The following ADAMTSL1 variants were observed in gnomAD, a reference collection of about 807,000 sequenced individuals.
ADAMTSL1 encodes the protein ADAMTS-like protein 1.
Under a neutral mutation model 201.8 loss-of-function variants are expected in ADAMTSL1, and 126 were observed. That is an observed-to-expected ratio of 0.62 (90% CI 0.54 to 0.72). ADAMTSL1 has a LOEUF of 0.72. Ranked by LOEUF, ADAMTSL1 falls within the 30% of genes least tolerant of loss-of-function variation. The pLI is 0.00. For synonymous variants in ADAMTSL1, 1,121 were observed against 903.4 expected (o/e 1.24, Z -4.32); for missense variants, 2,679 against 2,277.8 (o/e 1.18, Z -3.59).
intron 4 of ADAMTSL1, among the ~76,000 whole-genome samples, chr9:18,618,736 A>G (rs1024451735): frequency 3.3e-5 from 5 of 152,220 alleles, no homozygotes; most frequent in African/African-American, 1.2e-4. Flanking sequence ...GTAGGAAGGC[A>G]GAGGGCAGAA....
At chr9:18,045,772 C>G (rs1821631817) in intron 1 of ADAMTSL1, among the ~76,000 whole-genome samples, 1 of 151,706 alleles carries the variant, frequency 6.6e-6, no homozygotes. Flanking sequence ...GTTGTGTGGC[C>G]TTTTTCTACT....
chr9:18,868,926 C>A (rs1360781277), intron 23 of ADAMTSL1, among the ~76,000 whole-genome samples: 1 of 152,180 alleles, frequency 6.6e-6, no homozygotes, highest in Non-Finnish European at 1.5e-5. Context: ...AAATCCTAAT[C>A]TCCAGTACCT....
chr9:18,837,883 C>G (rs1588200470), intron 23 of ADAMTSL1, among the ~76,000 whole-genome samples: 2 of 152,262 alleles, frequency 1.3e-5, no homozygotes, highest in East Asian at 3.9e-4. Flanking sequence ...ACACCAAGGT[C>G]TTATGGGAGT....
At chr9:18,418,425 C>T (rs114600236) in intron 2 of ADAMTSL1, among the ~76,000 whole-genome samples, 1 of 152,116 alleles carries the variant, frequency 6.6e-6, no homozygotes, top group Non-Finnish European at 1.5e-5. Flanking sequence ...AAAAGTACCC[C>T]TATTTGCATA....
At chr9:18,798,770 G>A (rs763795845) in intron 20 of ADAMTSL1, among the ~76,000 whole-genome samples, 8 of 152,302 alleles carry the variant, frequency 5.3e-5, no homozygotes, top group Middle Eastern at 3.4e-3. Context: ...AGTTTGCCCC[G>A]TCCCGTAGAT....
At chr9:18,502,128 T>C (rs528559414) in intron 1 of ADAMTSL1, among the ~76,000 whole-genome samples, 25 of 152,376 alleles carry the variant, frequency 1.6e-4, no homozygotes, top group African/African-American at 6.0e-4. Flanking sequence ...TTATCTCATA[T>C]GAAAATGCAT....
intron 2 of ADAMTSL1, among the ~76,000 whole-genome samples, chr9:18,387,192 T>C (rs1204100860): frequency 6.6e-6 from 1 of 152,092 alleles, no homozygotes; most frequent in East Asian, 1.9e-4. Context: ...GGTACCAATA[T>C]AACAAACTGT....
At chr9:18,515,381 C>T (rs1277235738) in intron 2 of ADAMTSL1, among the ~76,000 whole-genome samples, 1 of 152,314 alleles carries the variant, frequency 6.6e-6, no homozygotes, top group Non-Finnish European at 1.5e-5. Context: ...ATCGCCCAGG[C>T]TGGAGTGCAG....
chr9:17,966,982 T>G, intron 1 of ADAMTSL1, among the ~76,000 whole-genome samples: 1 of 152,166 alleles, frequency 6.6e-6, no homozygotes, highest in East Asian at 1.9e-4. Flanking sequence ...TTAAAGGCAT[T>G]TGGGTTACAG....
intron 3 of ADAMTSL1, among the ~76,000 whole-genome samples, chr9:18,537,891 AAAG>A (rs966185393): frequency 4.7e-5 from 7 of 148,762 alleles, no homozygotes; most frequent in African/African-American, 1.5e-4. Flanking sequence ...AAAAAAAAAA[AAAG>A]AAGAAAGAAG....
At chr9:17,926,772 G>A (rs1276235619) in intron 1 of ADAMTSL1, among the ~76,000 whole-genome samples, 1 of 152,080 alleles carries the variant, frequency 6.6e-6, no homozygotes, top group Non-Finnish European at 1.5e-5. Flanking sequence ...GATTTCCAAG[G>A]TGTGGTCTAG....
At chr9:18,584,625 A>G (rs1251571879) in intron 4 of ADAMTSL1, among the ~76,000 whole-genome samples, 1 of 152,152 alleles carries the variant, frequency 6.6e-6, no homozygotes, top group Admixed American at 6.5e-5. Flanking sequence ...AACATCTATG[A>G]TAATTAATTT....
chr9:18,655,793 G>T (rs1828602846), intron 7 of ADAMTSL1, among the ~76,000 whole-genome samples: 1 of 108,158 alleles, frequency 9.2e-6, no homozygotes. Context: ...AGAGCTAGAG[G>T]CTTTTGTGAG....
rs112097315 is a variant in ADAMTSL1, at chr9:18,846,940, C to G, written c.4249+16963C>G. On this transcript the variant is annotated intron_variant, in intron 23 of 28. Transcript: ENST00000380548. ...TACCTCCTAGTGGTGGTGACACATC[C>G]CAGACCACTCAAGCCAAGATGTTAG... Among the ~76,000 whole-genome samples, 1,074 of 152,166 alleles carry G rather than the reference C, an allele frequency of 7.1e-3. 16 individuals are homozygous for G. The highest frequency in any genetic ancestry group is 0.024 in the African/African-American group (1,007 of 41,480).
chr9:18,635,694 T>A (rs1827064933), intron 5 of ADAMTSL1, among the ~76,000 whole-genome samples: 1 of 152,212 alleles, frequency 6.6e-6, no homozygotes, highest in African/African-American at 2.4e-5. Flanking sequence ...AACCAATTTT[T>A]CAGTATATCA....
intron 2 of ADAMTSL1, among the ~76,000 whole-genome samples, chr9:18,201,436 A>G (rs956870300): frequency 2.0e-5 from 3 of 151,942 alleles, no homozygotes; most frequent in African/African-American, 4.8e-5. Context: ...TTTTTCTGAT[A>G]TTTTCTCACT....
chr9:17,963,345 A>C (rs1817836344), intron 1 of ADAMTSL1, among the ~76,000 whole-genome samples: 1 of 152,202 alleles, frequency 6.6e-6, no homozygotes, highest in South Asian at 2.1e-4. Context: ...ATACTAAAGA[A>C]GGCTAGATAT....
intron 2 of ADAMTSL1, among the ~76,000 whole-genome samples, chr9:18,525,298 C>T (rs1386191809): frequency 6.6e-6 from 1 of 152,096 alleles, no homozygotes; most frequent in East Asian, 1.9e-4. Context: ...TCCCCTTTAT[C>T]ATTTTTTATT....
At chr9:18,733,443 C>A (rs1207875962) in intron 15 of ADAMTSL1, among the ~76,000 whole-genome samples, 1 of 152,162 alleles carries the variant, frequency 6.6e-6, no homozygotes, top group East Asian at 1.9e-4. Context: ...TGAATGTCTT[C>A]AACCCCACCA....
Sources: gnomAD v4.1 joint callset for allele counts (sites outside exome capture counted in the v4.1 genomes callset) on GRCh38, gnomAD v4.1.1 for gene constraint, MANE v1.5 for transcripts, NCBI Gene and HGNC (gene_info 2026-07-23, HGNC 2026-07-21) for gene names.